Variants in TFPI observed in about 807,000 individuals in gnomAD.
The protein encoded by TFPI is tissue factor pathway inhibitor, also known as anti-convertin.
A neutral mutation model predicts 34.6 loss-of-function variants in TFPI; 15 were observed. That is an observed-to-expected ratio of 0.43 (90% CI 0.29 to 0.67). The LOEUF is 0.67. Among genes scored for constraint, TFPI ranks in the 30% least tolerant of loss-of-function variants. TFPI has a pLI of 0.15. For missense variants in TFPI, 301 were observed against 364.0 expected (o/e 0.83, Z 1.41); for synonymous variants, 105 against 120.1 (o/e 0.87, Z 0.82).
intron 6 of TFPI, among the ~76,000 whole-genome samples, chr2:187,468,254 TACAGAC>T (rs2105944627): frequency 9.5e-6 from 1 of 104,740 alleles, no homozygotes; most frequent in East Asian, 3.1e-4. Flanking sequence ...GAAAATTTCT[TACAGAC>T]ACACACACAC....
At chr2:187,534,902 A>AT (rs1443682601) in intron 1 of TFPI, among the ~76,000 whole-genome samples, 4 of 151,622 alleles carry the variant, frequency 2.6e-5, no homozygotes, top group East Asian at 1.9e-4. Flanking sequence ...AGCAAAAAAA[A>AT]AAATAAAAAA....
chr2:187,528,704 A>G (rs1363222279), intron 1 of TFPI, among the ~76,000 whole-genome samples: 2 of 152,162 alleles, frequency 1.3e-5, no homozygotes, highest in Non-Finnish European at 2.9e-5. Context: ...TACTCACCTT[A>G]AAAGAACATT....
chr2:187,496,656 G>C (rs544756446), intron 3 of TFPI, among the ~76,000 whole-genome samples: 21 of 151,996 alleles, frequency 1.4e-4, no homozygotes, highest in Admixed American at 3.3e-4. Context: ...GGCATATAGA[G>C]AGTTTCTGGT....
At chr2:187,483,642 A>C (rs1574395110) in intron 6 of TFPI, among the ~76,000 whole-genome samples, 1 of 152,020 alleles carries the variant, frequency 6.6e-6, no homozygotes, top group East Asian at 1.9e-4. Flanking sequence ...AATTCAAAAG[A>C]AAATTCCCTC....
chr2:187,549,854 T>C (rs1366596429), intron 1 of TFPI, among the ~76,000 whole-genome samples: 2 of 152,050 alleles, frequency 1.3e-5, no homozygotes, highest in African/African-American at 2.4e-5. Flanking sequence ...TTAACAGGGA[T>C]TGGATTTTTC....
At chr2:187,501,598 AT>A (rs1404380400) in intron 2 of TFPI, among the ~76,000 whole-genome samples, 1 of 152,094 alleles carries the variant, frequency 6.6e-6, no homozygotes, top group African/African-American at 2.4e-5. Context: ...ATCATAGGAA[AT>A]TAGTTATTTA....
chr2:187,479,506 C>T (rs1043105438), intron 6 of TFPI, among the ~76,000 whole-genome samples: 41 of 138,050 alleles, frequency 3.0e-4, no homozygotes, highest in Non-Finnish European at 4.5e-4. Context: ...TTTGCCTAAG[C>T]CCCTATTAGT....
intron 1 of TFPI, among the ~76,000 whole-genome samples, chr2:187,538,404 C>G (rs1190481425): frequency 6.6e-6 from 1 of 152,106 alleles, no homozygotes; most frequent in East Asian, 1.9e-4. Context: ...ACTATACAGC[C>G]ATAAAAAAGG....
rs531647369 is a variant in TFPI, at chr2:187,496,321, C to T, written c.319+560G>A. Among the ~76,000 whole-genome samples, 6 of 152,188 alleles carry T rather than the reference C, an allele frequency of 3.9e-5. No individual in the cohort carries two copies. In the South Asian group the frequency reaches 1.2e-3, roughly 32 times the overall value. Reference sequence around the variant, plus strand: ...GCCATAGAGCTTCAATTTCCAGATTCATGATCTTGAGAGAGTATAGCGATG... The same window carrying T: ...GCCATAGAGCTTCAATTTCCAGATTTATGATCTTGAGAGAGTATAGCGATG... On this transcript the variant is annotated intron_variant, in intron 3 of 7. Coordinates refer to ENST00000233156, the MANE Select transcript of TFPI (RefSeq NM_006287.6).
intron 4 of TFPI, among the ~76,000 whole-genome samples, chr2:187,486,431 A>G (rs8176506): frequency 0.32 from 47,678 of 151,296 alleles, 7,772 homozygotes; most frequent in African/African-American, 0.37. Flanking sequence ...AATTATGCTG[A>G]TAAGTATAAT....
intron 1 of TFPI, among the ~76,000 whole-genome samples, chr2:187,537,501 T>C (rs2106284924): frequency 6.6e-6 from 1 of 152,340 alleles, no homozygotes; most frequent in South Asian, 2.1e-4. Flanking sequence ...GGATTCCCTA[T>C]TTAATAAATC....
chr2:187,480,658 C>T (rs992202865), intron 6 of TFPI, among the ~76,000 whole-genome samples: 6 of 152,050 alleles, frequency 3.9e-5, no homozygotes, highest in African/African-American at 1.4e-4. Flanking sequence ...AGGGAAATTG[C>T]TTTAGAAATA....
chr2:187,531,842 T>C (rs201409976), intron 1 of TFPI, among the ~76,000 whole-genome samples: 1 of 152,140 alleles, frequency 6.6e-6, no homozygotes, highest in Non-Finnish European at 1.5e-5. Flanking sequence ...TTCTATGACC[T>C]TTTATAATAC....
At chr2:187,553,493 T>C (rs183944851) in intron 1 of TFPI, among the ~76,000 whole-genome samples, 1 of 152,288 alleles carries the variant, frequency 6.6e-6, no homozygotes, top group East Asian at 1.9e-4. Context: ...TACTGCTGTA[T>C]TATATGCTTT....
chr2:187,490,127 T>G lies in TFPI; in HGVS notation c.320-1752A>C, dbSNP rs1428943367. 1.3e-5 allele frequency among the ~76,000 whole-genome samples: 2 copies of G among 151,628 alleles called. 1 individual carries two copies. Among genetic ancestry groups the G allele is most frequent in the Non-Finnish European group, 3.0e-5 (2 of 67,618 alleles). ...GGTTGACACACATTGGCATATGATA[T>G]TTATACCTCAAACTGACTTATTTAT... On this transcript the variant is annotated intron_variant, in intron 3 of 7. Transcript: ENST00000233156.
intron 1 of TFPI, among the ~76,000 whole-genome samples, chr2:187,551,141 T>A (rs1010242787): frequency 6.6e-6 from 1 of 152,150 alleles, no homozygotes; most frequent in Non-Finnish European, 1.5e-5. Flanking sequence ...TATGCCCTAA[T>A]AAGCAATATA....
rs1338349591 is a variant in TFPI at position 187,488,281 on chromosome 2, G to T, written c.358+56C>A. On this transcript the variant is annotated intron_variant, in intron 4 of 7. Coordinates refer to ENST00000233156, the MANE Select transcript of TFPI (RefSeq NM_006287.6). ...CAAACAAGCAAACAAACAAAAAATT[G>T]AATATCTAAATGCCTTACATAAATG... 8 of 1,424,710 alleles carry T rather than the reference G, an allele frequency of 5.6e-6. No homozygotes were observed. The East Asian group carries it at 1.2e-4, about 22-fold the overall frequency. 88.3% of individuals were successfully genotyped at this position (1,424,710 alleles called of 1,614,324 possible). A position where few individuals can be genotyped will look rare whatever the true frequency, so the allele number is the denominator to read the frequency against.
intron 1 of TFPI, among the ~76,000 whole-genome samples, chr2:187,523,707 A>C (rs1314041530): frequency 6.6e-6 from 1 of 152,090 alleles, no homozygotes; most frequent in Non-Finnish European, 1.5e-5. Context: ...TTTCCTCTAA[A>C]AATTCTCTGT....
chr2:187,494,019 C>T (rs1685295743), intron 3 of TFPI, among the ~76,000 whole-genome samples: 1 of 152,156 alleles, frequency 6.6e-6, no homozygotes, highest in Admixed American at 6.6e-5. Context: ...CCAGCAACAC[C>T]CCATTCTACT....
Sources: gnomAD v4.1 joint callset for allele counts (sites outside exome capture counted in the v4.1 genomes callset) on GRCh38, gnomAD v4.1.1 for gene constraint, MANE v1.5 for transcripts, NCBI Gene and HGNC (gene_info 2026-07-23, HGNC 2026-07-21) for gene names.